Variants in TM9SF3 observed in about 807,000 individuals in gnomAD.
TM9SF3 encodes the protein SM-11044-binding protein.
In TM9SF3, 14 loss-of-function variants were observed where a neutral mutation model predicts 78.6. The observed-to-expected ratio is 0.18, with a 90% CI of 0.12 to 0.28. The LOEUF is 0.28. TM9SF3 is among the 10% of genes least tolerant of loss of function. The pLI is 1.00. For synonymous variants in TM9SF3, 231 were observed against 241.7 expected, an observed-to-expected ratio of 0.96 and a Z score of 0.41; for missense variants, 496 against 721.9, an observed-to-expected ratio of 0.69 and a Z score of 3.59.
At chr10:96,539,639 T>C (rs1383653557) in intron 9 of TM9SF3, among the ~76,000 whole-genome samples, 1 of 152,194 alleles carries the variant, frequency 6.6e-6, no homozygotes, top group Non-Finnish European at 1.5e-5. Flanking sequence ...TGTGTGTCTA[T>C]GGGTGTATGT....
In TM9SF3 at chr10:96,547,606, A is replaced by T. The variant is rs983922275; in HGVS notation, c.1054+289T>A. ...ACACTTTGGGAGGCCGAATCACTTGAGGTCAGGAGTTCACAGCAGCCTGGC... is the reference window on the plus strand; with the variant it reads ...ACACTTTGGGAGGCCGAATCACTTGTGGTCAGGAGTTCACAGCAGCCTGGC... On this transcript the variant is annotated intron_variant, in intron 8 of 14. Coordinates refer to ENST00000371142, the MANE Select transcript of TM9SF3 (RefSeq NM_020123.4). Among the ~76,000 whole-genome samples the T allele has an allele frequency of 2.9e-3, 7 of 2,396 alleles. No homozygotes were observed. In the Non-Finnish European group the frequency reaches 0.074, roughly 25 times the overall value. The allele number at this position is 2,396 out of a possible 152,430, so 1.6% of individuals were successfully genotyped here. A position where few individuals can be genotyped will look rare whatever the true frequency, so the allele number is the denominator to read the frequency against.
intron 5 of TM9SF3, 28 bp from the exon 6 acceptor site, chr10:96,553,087 C>A: frequency 6.4e-7 from 1 of 1,557,462 alleles, no homozygotes; most frequent in Non-Finnish European, 8.6e-7. Context: ...AAAATGTTAC[C>A]AACCTGCAAT....
chr10:96,571,009 G>C (rs757296386), intron 2 of TM9SF3, among the ~76,000 whole-genome samples: 1 of 152,174 alleles, frequency 6.6e-6, no homozygotes, highest in African/African-American at 2.4e-5. Context: ...AAAGTGCTGG[G>C]ATTACAGGCC....
chr10:96,523,053 ATAC>A (rs1380727292), intron 14 of TM9SF3, among the ~76,000 whole-genome samples: 5 of 152,006 alleles, frequency 3.3e-5, no homozygotes, highest in African/African-American at 1.2e-4. Flanking sequence ...GGCATATAAG[ATAC>A]TTGGTAAATA....
intron 5 of TM9SF3, among the ~76,000 whole-genome samples, chr10:96,559,234 A>G (rs1449384732): frequency 6.6e-6 from 1 of 152,182 alleles, no homozygotes; most frequent in Non-Finnish European, 1.5e-5. Context: ...AGGGAAGCCT[A>G]TAATATACTC....
intron 2 of TM9SF3, among the ~76,000 whole-genome samples, chr10:96,575,471 A>AG (rs913860235): frequency 2.8e-5 from 4 of 141,394 alleles, no homozygotes; most frequent in African/African-American, 7.9e-5. Flanking sequence ...GGGGATGGGG[A>AG]GGGGGGAGAA....
At chr10:96,543,026 G>A (rs1006409705) in intron 9 of TM9SF3, among the ~76,000 whole-genome samples, 1 of 152,134 alleles carries the variant, frequency 6.6e-6, no homozygotes, top group African/African-American at 2.4e-5. Context: ...CTGCCTGTAC[G>A]ATTGTGACTA....
At chr10:96,571,788 CAGAA>C (rs1332324261) in intron 2 of TM9SF3, among the ~76,000 whole-genome samples, 1 of 152,092 alleles carries the variant, frequency 6.6e-6, no homozygotes, top group African/African-American at 2.4e-5. Flanking sequence ...ATAAAATAAA[CAGAA>C]GGAAGGAGTC....
chr10:96,546,345 T>C (rs893241892), intron 8 of TM9SF3, among the ~76,000 whole-genome samples: 1 of 152,198 alleles, frequency 6.6e-6, no homozygotes, highest in Non-Finnish European at 1.5e-5. Context: ...CTGAACTCTG[T>C]CAGCTTTCAA....
chr10:96,544,307 A>G, intron 8 of TM9SF3, 101 bp from the exon 9 acceptor site: 3 of 1,087,560 alleles, frequency 2.8e-6, no homozygotes, highest in South Asian at 2.0e-5. Flanking sequence ...ACATCTTAAT[A>G]ATTTCTTCAA....
intron 14 of TM9SF3, 97 bp downstream of exon 14, chr10:96,527,116 A>G: frequency 9.5e-7 from 1 of 1,055,254 alleles, no homozygotes; most frequent in Non-Finnish European, 1.4e-6. Context: ...TTTCTGATCA[A>G]ACAACAGATA....
chr10:96,570,176 A>G (rs775737731), intron 2 of TM9SF3, among the ~76,000 whole-genome samples: 1 of 152,240 alleles, frequency 6.6e-6, no homozygotes, highest in African/African-American at 2.4e-5. Flanking sequence ...AACTTACTAA[A>G]TGTGTTAGAA....
chr10:96,559,872 C>T (rs1182913094), intron 4 of TM9SF3, 136 bp from the exon 5 acceptor site: 1 of 578,634 alleles, frequency 1.7e-6, no homozygotes, highest in African/African-American at 1.9e-5. Flanking sequence ...AAGTTACTTA[C>T]AACATGAGAA....
intron 2 of TM9SF3, among the ~76,000 whole-genome samples, chr10:96,571,892 G>A (rs1477792273): frequency 6.6e-6 from 1 of 152,190 alleles, no homozygotes; most frequent in South Asian, 2.1e-4. Context: ...CGGATGGGTG[G>A]TGATCTCTTC....
intron 2 of TM9SF3, 54 bp from the exon 3 acceptor site, chr10:96,565,480 TAA>T (rs878904501): frequency 5.8e-4 from 701 of 1,211,236 alleles, no homozygotes; most frequent in South Asian, 1.2e-3. Flanking sequence ...ATAGTTACAT[TAA>T]AAAAAAAAAA....
At chr10:96,528,785 A>G (rs1350155245) in intron 11 of TM9SF3, among the ~76,000 whole-genome samples, 1 of 152,144 alleles carries the variant, frequency 6.6e-6, no homozygotes, top group Non-Finnish European at 1.5e-5. Flanking sequence ...AATACTTTAA[A>G]TGAAGGGGAA....
At chr10:96,551,825 C>A (rs1255024505) in intron 6 of TM9SF3, among the ~76,000 whole-genome samples, 1 of 152,106 alleles carries the variant, frequency 6.6e-6, no homozygotes, top group Non-Finnish European at 1.5e-5. Context: ...AGTACTAGAT[C>A]CCCTAAGAAT....
At chr10:96,560,770 A>G in intron 4 of TM9SF3, 2 of 566,514 alleles carry the variant, frequency 3.5e-6, no homozygotes, top group Non-Finnish European at 6.8e-6. Flanking sequence ...CAAAAGTCAA[A>G]TCAGAATGGA....
At chr10:96,555,219 T>C (rs1848221150) in intron 5 of TM9SF3, among the ~76,000 whole-genome samples, 1 of 152,200 alleles carries the variant, frequency 6.6e-6, no homozygotes, top group Non-Finnish European at 1.5e-5. Context: ...CATCTCACCT[T>C]ATCTAGTCAA....
Sources: allele counts gnomAD v4.1 joint callset (sites outside exome capture counted in the v4.1 genomes callset), GRCh38; gene constraint gnomAD v4.1.1; transcripts MANE v1.5; gene names NCBI Gene and HGNC (gene_info 2026-07-23, HGNC 2026-07-21).